SAXO1: variants seen among roughly 807,000 people sequenced by gnomAD.
SAXO1 encodes the protein stabilizer of axonemal microtubules 1, also known as 4930500O09Rik.
In SAXO1, 21 loss-of-function variants were observed where a neutral mutation model predicts 17.5. The ratio of observed to expected loss-of-function variants is 1.20; its 90% CI spans 0.85 to 1.72. The LOEUF is 1.72. Ranked by LOEUF, SAXO1 falls within the 40% of genes most tolerant of loss-of-function variation. The pLI is 0.00. For missense variants in SAXO1, 843 were observed against 596.0 expected (o/e 1.41, Z -4.32); for synonymous variants, 274 against 216.5 (o/e 1.27, Z -2.33).
At chr9:18,951,353 T>A (rs779553014) in intron 1 of SAXO1, among the ~76,000 whole-genome samples, 17 of 152,094 alleles carry the variant, frequency 1.1e-4, no homozygotes, top group African/African-American at 3.9e-4. Context: ...GCTCCAAGGC[T>A]CTCCAATAGG....
intron 1 of SAXO1, among the ~76,000 whole-genome samples, chr9:18,960,844 A>G (rs1307884305): frequency 6.6e-6 from 1 of 152,212 alleles, no homozygotes; most frequent in Non-Finnish European, 1.5e-5. Context: ...ATTTATATGA[A>G]TTTCTAGAAC....
intron 1 of SAXO1, among the ~76,000 whole-genome samples, chr9:18,997,637 C>A (rs1423302687): frequency 6.6e-6 from 1 of 152,256 alleles, no homozygotes; most frequent in Admixed American, 6.5e-5. Flanking sequence ...CATTCAAGCT[C>A]TGATAACGGA....
At chr9:19,042,867 A>G (rs891278650) in intron 1 of SAXO1, among the ~76,000 whole-genome samples, 1 of 151,710 alleles carries the variant, frequency 6.6e-6, no homozygotes, top group African/African-American at 2.4e-5. Context: ...TGCCTCATAA[A>G]GAGAAAGAAA....
chr9:18,930,424 A>G (rs2131667367), intron 3 of SAXO1, among the ~76,000 whole-genome samples: 1 of 152,236 alleles, frequency 6.6e-6, no homozygotes, highest in Non-Finnish European at 1.5e-5. Context: ...CAGGGCCAGC[A>G]CACCAAGACT....
At position 18,927,973 on chromosome 9, in the gene SAXO1, TC is replaced by T; in HGVS notation, c.*78del. On this transcript the variant is annotated 3_prime_UTR_variant, in exon 4 of 4. Coordinates refer to ENST00000380534, the MANE Select transcript of SAXO1 (RefSeq NM_153707.4). ...TTTGTTTTTTGTCATTTTAGGGAAT[TC>T]TTTTTTGTCCAACAAATAATTCTCA... 1 of 1,434,854 alleles carries T rather than the reference TC, an allele frequency of 7.0e-7. No homozygotes were observed. The highest frequency in any genetic ancestry group is 9.3e-7 in the Non-Finnish European group (1 of 1,078,938). The allele number at this position is 1,434,854 out of a possible 1,614,324, so 88.9% of individuals were successfully genotyped here.
chr9:18,997,111 C>T (rs1381940776), intron 1 of SAXO1, among the ~76,000 whole-genome samples: 1 of 152,194 alleles, frequency 6.6e-6, no homozygotes, highest in Non-Finnish European at 1.5e-5. Flanking sequence ...GGGTGCCGCC[C>T]ACAGAGGATG....
intron 3 of SAXO1, among the ~76,000 whole-genome samples, chr9:18,936,366 G>A (rs976904290): frequency 2.6e-5 from 4 of 152,026 alleles, no homozygotes; most frequent in African/African-American, 9.7e-5. Flanking sequence ...TGCCCACCCC[G>A]GCCCCCAGAC....
intron 1 of SAXO1, among the ~76,000 whole-genome samples, chr9:19,006,243 C>T (rs1184302936): frequency 2.0e-5 from 3 of 152,154 alleles, no homozygotes; most frequent in Non-Finnish European, 2.9e-5. Context: ...ATAGAATTAC[C>T]CTATGATCCA....
rs373652241 is a variant in SAXO1, at chr9:18,934,671, T to A, written c.422-5616A>T. Among the ~76,000 whole-genome samples, 87 of 152,362 alleles carry A rather than the reference T, an allele frequency of 5.7e-4. 1 individual carries two copies. Among genetic ancestry groups the A allele is most frequent in the African/African-American group, 1.9e-3 (77 of 41,592 alleles). Reference sequence around the variant, plus strand: ...TCCAACATCTGGGCTCCTGCAGAGATACTTTCTGTTGACTGCTTTTTCCCC... The same window carrying A: ...TCCAACATCTGGGCTCCTGCAGAGAAACTTTCTGTTGACTGCTTTTTCCCC... On this transcript the variant is annotated intron_variant, in intron 3 of 3. Transcript: ENST00000380534.
chr9:19,026,533 A>C (rs373464017), intron 1 of SAXO1, among the ~76,000 whole-genome samples: 9 of 152,102 alleles, frequency 5.9e-5, no homozygotes, highest in African/African-American at 1.7e-4. Context: ...CCACCTAACC[A>C]CAGTTTCAAA....
At chr9:18,966,035 T>G (rs909147139) in intron 1 of SAXO1, among the ~76,000 whole-genome samples, 2 of 152,246 alleles carry the variant, frequency 1.3e-5, no homozygotes, top group Non-Finnish European at 2.9e-5. Context: ...AATACTGGGT[T>G]GAAAATTCTT....
intron 1 of SAXO1, among the ~76,000 whole-genome samples, chr9:19,007,419 AAAG>A (rs2130977259): frequency 6.6e-6 from 1 of 152,332 alleles, no homozygotes; most frequent in South Asian, 2.1e-4. Context: ...TTAAAAAAAC[AAAG>A]AAGTTCAACT....
At position 18,968,598 on chromosome 9, in the gene SAXO1, G is replaced by GTTTTT. The variant is rs34092832; in HGVS notation, c.39-17666_39-17662dup. On this transcript the variant is annotated intron_variant, in intron 1 of 3. Coordinates refer to ENST00000380534, the MANE Select transcript of SAXO1 (RefSeq NM_153707.4). Reference sequence around the variant, plus strand: ...TGGTTAAGAAAATGTCCCCCTTTTTGTTTTTTTTTTTTGAGACGCAGTTTC... The same window carrying GTTTTT: ...TGGTTAAGAAAATGTCCCCCTTTTTGTTTTTTTTTTTTTTTTTGAGACGCAGTTTC... 1.0e-4 allele frequency among the ~76,000 whole-genome samples: 15 copies of GTTTTT among 144,084 alleles called. 1 individual carries two copies. The highest frequency in any genetic ancestry group is 2.8e-4 in the Admixed American group (4 of 14,494). The allele number at this position is 144,084 out of a possible 152,430, so 94.5% of individuals were successfully genotyped here.
In SAXO1 at chr9:18,928,105, A is replaced by G. The variant is rs1830841385; in HGVS notation, c.1372T>C (p.Ser458Pro). Residue 458 changes from serine to proline, a missense_variant, in exon 4 of 4, where the codon TCT (serine) becomes CCT (proline). Physicochemically the swap from Ser to Pro is moderately conservative, Grantham distance 74. Transcript: ENST00000380534. ...QAGSQQSSHL[S>P]VDDSENPNQR... Reference sequence around the variant, plus strand: ...TTGGGGTTTTCTGAATCATCTACAGAAAGATGGCTGCTCTGCTGAGAGCCT... The same window carrying G: ...TTGGGGTTTTCTGAATCATCTACAGGAAGATGGCTGCTCTGCTGAGAGCCT... 5 of 1,613,790 alleles carry G rather than the reference A, an allele frequency of 3.1e-6. No individual in the cohort carries two copies. The highest frequency in any genetic ancestry group is 4.2e-6 in the Non-Finnish European group (5 of 1,179,708).
intron 1 of SAXO1, among the ~76,000 whole-genome samples, chr9:19,023,140 TC>T (rs200594848): frequency 0.14 from 14,085 of 100,738 alleles, 752 homozygotes; most frequent in Middle Eastern, 0.2. Context: ...CCAGATTACA[TC>T]CCCCCCCACC....
chr9:19,047,000 A>C (rs1339714781), intron 1 of SAXO1, among the ~76,000 whole-genome samples: 1 of 152,244 alleles, frequency 6.6e-6, no homozygotes, highest in East Asian at 1.9e-4. Context: ...CAGCCTGGCC[A>C]ACATGGTGAA....
intron 1 of SAXO1, chr9:19,026,784 ACTTTGGGAGG>A (rs1835491786): frequency 2.1e-6 from 1 of 471,324 alleles, no homozygotes; most frequent in Non-Finnish European, 4.0e-6. Context: ...TAGTCTGAGC[ACTTTGGGAGG>A]CTGAGGTGGG....
chr9:19,017,668 A>G (rs114936230), intron 1 of SAXO1, among the ~76,000 whole-genome samples: 1 of 152,230 alleles, frequency 6.6e-6, no homozygotes, highest in South Asian at 2.1e-4. Context: ...ACCAGTGTCC[A>G]TTTTAGTTAC....
chr9:18,993,532 A>G (rs912646530), intron 1 of SAXO1, among the ~76,000 whole-genome samples: 6 of 152,208 alleles, frequency 3.9e-5, no homozygotes, highest in African/African-American at 1.4e-4. Context: ...TGTAATCACC[A>G]GAGTGAAAGA....
Sources: gnomAD v4.1 joint callset for allele counts (sites outside exome capture counted in the v4.1 genomes callset) on GRCh38, gnomAD v4.1.1 for gene constraint, MANE v1.5 for transcripts, NCBI Gene and HGNC (gene_info 2026-07-23, HGNC 2026-07-21) for gene names.